The following OPCML variants were observed in gnomAD, a reference collection of about 807,000 sequenced individuals.
The protein encoded by OPCML is opioid binding protein/cell adhesion molecule like.
Under a neutral mutation model 37.8 loss-of-function variants are expected in OPCML, and 13 were observed. The observed-to-expected ratio is 0.34, with a 90% CI of 0.22 to 0.55. The LOEUF is 0.55. Ranked by LOEUF, OPCML falls within the 20% of genes least tolerant of loss-of-function variation. OPCML has a pLI of 0.91. For synonymous variants in OPCML, 176 were observed against 168.8 expected (o/e 1.04, Z -0.33); for missense variants, 341 against 435.6 (o/e 0.78, Z 1.93).
At chr11:132,955,786 G>A (rs1945966059) in intron 1 of OPCML, among the ~76,000 whole-genome samples, 1 of 152,108 alleles carries the variant, frequency 6.6e-6, no homozygotes. Flanking sequence ...GGAGGCCAAG[G>A]CAGGAGAATC....
intron 2 of OPCML, among the ~76,000 whole-genome samples, chr11:132,745,962 C>T (rs946233440): frequency 5.9e-5 from 9 of 152,186 alleles, no homozygotes; most frequent in African/African-American, 2.2e-4. Context: ...CCAAGGGAGC[C>T]ACTCCTGAGA....
At chr11:133,326,624 G>A (rs972040379) in intron 1 of OPCML, among the ~76,000 whole-genome samples, 4 of 142,240 alleles carry the variant, frequency 2.8e-5, no homozygotes, top group African/African-American at 1.1e-4. Context: ...ACAGAGTGTG[G>A]GTGGGTGTAT....
chr11:133,126,323 G>C (rs1267464239), intron 1 of OPCML, among the ~76,000 whole-genome samples: 1 of 152,052 alleles, frequency 6.6e-6, no homozygotes, highest in South Asian at 2.1e-4. Context: ...TCAGGCCCTC[G>C]ATGGACTGGA....
chr11:132,497,809 T>C (rs982850106), intron 4 of OPCML, among the ~76,000 whole-genome samples: 20 of 152,202 alleles, frequency 1.3e-4, no homozygotes, highest in Non-Finnish European at 2.1e-4. Context: ...CTGTCATTCC[T>C]TGAAGCAACT....
chr11:132,969,495 A>G (rs921663103), intron 1 of OPCML, among the ~76,000 whole-genome samples: 1 of 152,136 alleles, frequency 6.6e-6, no homozygotes, highest in African/African-American at 2.4e-5. Flanking sequence ...TCTCAACTTT[A>G]AATATTTCTT....
intron 2 of OPCML, among the ~76,000 whole-genome samples, chr11:132,796,198 A>G (rs761492529): frequency 1.3e-5 from 2 of 152,192 alleles, no homozygotes; most frequent in Non-Finnish European, 2.9e-5. Context: ...TCAATTCTCC[A>G]TGGATACCAA....
rs184460978 is a variant in OPCML at position 132,488,672 on chromosome 11, T to C, written c.505+40389A>G. On this transcript the variant is annotated intron_variant, in intron 4 of 7. Coordinates refer to ENST00000524381, the MANE Select transcript of OPCML (RefSeq NM_001012393.5). Reference sequence around the variant, plus strand: ...TTTATTTTTGTTTAAATTTTTTCTTTAGTCATACATTAGTCTTATCTTACT... The same window carrying C: ...TTTATTTTTGTTTAAATTTTTTCTTCAGTCATACATTAGTCTTATCTTACT... Among the ~76,000 whole-genome samples the C allele has an allele frequency of 1.0e-3, 153 of 152,368 alleles. 1 individual carries two copies. The highest frequency in any genetic ancestry group is 1.7e-3 in the Non-Finnish European group (117 of 68,032).
chr11:132,603,852 T>A (rs1200239688), intron 3 of OPCML, among the ~76,000 whole-genome samples: 1 of 152,220 alleles, frequency 6.6e-6, no homozygotes, highest in Non-Finnish European at 1.5e-5. Context: ...TTACATCCTG[T>A]ATCCTAGATT....
At chr11:133,191,908 T>G (rs934509296) in intron 1 of OPCML, among the ~76,000 whole-genome samples, 1 of 152,202 alleles carries the variant, frequency 6.6e-6, no homozygotes, top group African/African-American at 2.4e-5. Flanking sequence ...TGGGCAAGGC[T>G]TTTGGTGAAT....
At chr11:132,454,132 C>G (rs568827696) in intron 4 of OPCML, among the ~76,000 whole-genome samples, 1 of 152,348 alleles carries the variant, frequency 6.6e-6, no homozygotes, top group South Asian at 2.1e-4. Context: ...AAATAGACAT[C>G]ATTCAACATG....
intron 1 of OPCML, among the ~76,000 whole-genome samples, chr11:133,167,752 CACTCCAACACA>C (rs1262307831): frequency 3.3e-5 from 5 of 152,148 alleles, no homozygotes; most frequent in Non-Finnish European, 7.3e-5. Context: ...TGCAGCAGTT[CACTCCAACACA>C]ACTTGTCTAA....
chr11:132,733,111 A>T (rs1945134766), intron 2 of OPCML, among the ~76,000 whole-genome samples: 1 of 152,200 alleles, frequency 6.6e-6, no homozygotes, highest in Non-Finnish European at 1.5e-5. Context: ...ACACACAAAA[A>T]GATAAAAATC....
At chr11:133,523,613 G>T (rs971858817) in intron 1 of OPCML, among the ~76,000 whole-genome samples, 5 of 152,288 alleles carry the variant, frequency 3.3e-5, no homozygotes, top group Middle Eastern at 3.4e-3. Flanking sequence ...CATCAACAGA[G>T]TTCCATTATT....
chr11:133,271,917 T>C (rs976448243), intron 1 of OPCML, among the ~76,000 whole-genome samples: 1 of 152,190 alleles, frequency 6.6e-6, no homozygotes, highest in African/African-American at 2.4e-5. Context: ...ATATAGTCCC[T>C]GCATCTGTGA....
At chr11:133,191,579 G>A (rs919904642) in intron 1 of OPCML, among the ~76,000 whole-genome samples, 2 of 151,598 alleles carry the variant, frequency 1.3e-5, no homozygotes, top group Admixed American at 6.6e-5. Flanking sequence ...GTACAAAGGC[G>A]TGATCTTGGG....
intron 2 of OPCML, among the ~76,000 whole-genome samples, chr11:132,691,447 T>C (rs1591734696): frequency 6.6e-6 from 1 of 152,218 alleles, no homozygotes; most frequent in East Asian, 1.9e-4. Flanking sequence ...TCAACTTCTG[T>C]GTTATTTCTC....
intron 2 of OPCML, among the ~76,000 whole-genome samples, chr11:132,797,275 T>C (rs1938381055): frequency 6.6e-6 from 1 of 152,236 alleles, no homozygotes; most frequent in East Asian, 1.9e-4. Context: ...TTGGATTAAT[T>C]TTGGTGTATG....
intron 1 of OPCML, among the ~76,000 whole-genome samples, chr11:133,319,387 CCCTT>C (rs1943277644): frequency 6.6e-6 from 1 of 152,150 alleles, no homozygotes; most frequent in Admixed American, 6.5e-5. Flanking sequence ...CCTTAAGTCT[CCCTT>C]ATGAGACAGT....
intron 2 of OPCML, among the ~76,000 whole-genome samples, chr11:132,828,605 T>C (rs2136272109): frequency 6.6e-6 from 1 of 151,826 alleles, no homozygotes; most frequent in East Asian, 1.9e-4. Context: ...GAAAACAAAA[T>C]TATCCTATTG....
Sources: gnomAD v4.1 joint callset for allele counts (sites outside exome capture counted in the v4.1 genomes callset) on GRCh38, gnomAD v4.1.1 for gene constraint, MANE v1.5 for transcripts, NCBI Gene and HGNC (gene_info 2026-07-23, HGNC 2026-07-21) for gene names.